Variants in FHDC1 observed in about 807,000 individuals in gnomAD.
FHDC1 encodes the protein FH2 domain-containing protein 1.
FHDC1 carries 25 observed loss-of-function variants against 52.6 expected under a neutral mutation model. The observed-to-expected ratio is 0.48, with a 90% CI of 0.35 to 0.66. FHDC1 has a LOEUF of 0.66. Among genes scored for constraint, FHDC1 ranks in the 30% least tolerant of loss-of-function variants. The pLI is 0.01. For missense variants in FHDC1, 1,459 were observed against 1,452.8 expected, an observed-to-expected ratio of 1.00 and a Z score of -0.07; for synonymous variants, 616 against 581.5, an observed-to-expected ratio of 1.06 and a Z score of -0.85.
At chr4:152,928,121 T>G in the FHDC1 span, 1 of 1,012,768 alleles carries the variant, frequency 9.9e-7, no homozygotes, top group Admixed American at 1.7e-5. Flanking sequence ...CAACTCTGAG[T>G]CCAGCGCAGA....
the FHDC1 span, among the ~76,000 whole-genome samples, chr4:152,914,277 C>T: frequency 0.016 from 2,495 of 152,206 alleles, 65 homozygotes; most frequent in African/African-American, 0.056. Context: ...ACAGATTTTG[C>T]GCATAAATGG....
the FHDC1 span, among the ~76,000 whole-genome samples, chr4:152,923,219 C>A: frequency 6.6e-6 from 1 of 152,090 alleles, no homozygotes; most frequent in Non-Finnish European, 1.5e-5. Flanking sequence ...CAATAACAGA[C>A]AAACAGAGAG....
At position 152,976,827 on chromosome 4, in the gene FHDC1, G is replaced by T. The variant is rs1229028086; in HGVS notation, c.*104G>T. The T allele has an allele frequency of 7.4e-7, 1 of 1,348,634 alleles. No individual in the cohort carries two copies. The highest frequency in any genetic ancestry group is 9.8e-7 in the Non-Finnish European group (1 of 1,018,966). 83.5% of individuals were successfully genotyped at this position (1,348,634 alleles called of 1,614,324 possible). A position where few individuals can be genotyped will look rare whatever the true frequency, so the allele number is the denominator to read the frequency against. ...GCATGTCTTTGTTACAGATAAAGCA[G>T]CCACTGGTGCCACTGCTAGTGACGC... On this transcript the variant is annotated 3_prime_UTR_variant, in exon 12 of 12. Coordinates refer to ENST00000511601, the MANE Select transcript of FHDC1 (RefSeq NM_001371116.1).
intron 9 of FHDC1, among the ~76,000 whole-genome samples, chr4:152,966,070 G>A (rs1740447429): frequency 6.6e-6 from 1 of 152,168 alleles, no homozygotes; most frequent in African/African-American, 2.4e-5. Context: ...TATAAGATAG[G>A]AACTTTTGAC....
intron 11 of FHDC1, 64 bp downstream of exon 11, chr4:152,972,605 A>G: frequency 3.9e-6 from 6 of 1,530,370 alleles, no homozygotes; most frequent in Non-Finnish European, 5.3e-6. Flanking sequence ...TTCTCGACCT[A>G]GTCATCTGCT....
At chr4:152,929,833 G>A in the FHDC1 span, among the ~76,000 whole-genome samples, 2 of 152,128 alleles carry the variant, frequency 1.3e-5, no homozygotes, top group Non-Finnish European at 2.9e-5. This position sits in a 1 kb window ranked among gnomAD's most constrained non-coding sequence, Gnocchi z 4.1. Flanking sequence ...AAATATGTTC[G>A]AATCTGTCAT....
intron 4 of FHDC1, among the ~76,000 whole-genome samples, chr4:152,959,329 A>T (rs1484782848): frequency 6.6e-6 from 1 of 152,194 alleles, no homozygotes; most frequent in African/African-American, 2.4e-5. Context: ...TTGTGATCTA[A>T]TGTTGTTTGA....
In FHDC1 at chr4:152,943,068, T is replaced by C; in HGVS notation, c.11T>C (p.Met4Thr). 2 of 1,612,276 alleles carry C rather than the reference T, an allele frequency of 1.2e-6. No individual in the cohort carries two copies. The highest frequency in any genetic ancestry group is 1.7e-6 in the Non-Finnish European group (2 of 1,178,956). Residue 4 changes from methionine (M) to threonine (T), a missense_variant, in exon 2 of 12, where the codon ATG becomes ACG. Physicochemically the swap from Met to Thr is moderately conservative, Grantham distance 81. Around this residue, in one of 3 missense-constraint regions of FHDC1, gnomAD observed 513 missense variants for 581.5 expected, o/e 0.88. Transcript: ENST00000511601. MHV[M>T]NCVSLVSDKE... ...GGAGGCAACAGTACTATGCATGTTA[T>C]GAATTGTGTCTCCTTGGTCAGTGAT...
intron 2 of FHDC1, among the ~76,000 whole-genome samples, chr4:152,948,390 T>TA (rs1182253686): frequency 6.6e-6 from 1 of 152,202 alleles, no homozygotes; most frequent in Non-Finnish European, 1.5e-5. Flanking sequence ...GCCAGATTCA[T>TA]AGAGACAGAA....
chr4:152,939,665 T>A (rs1219503302), intron 1 of FHDC1, among the ~76,000 whole-genome samples: 1 of 151,912 alleles, frequency 6.6e-6, no homozygotes, highest in African/African-American at 2.4e-5. Context: ...CTTGGGAGAG[T>A]CCATCACTCA....
At chr4:152,924,561 G>A in the FHDC1 span, among the ~76,000 whole-genome samples, 35 of 152,168 alleles carry the variant, frequency 2.3e-4, no homozygotes, top group East Asian at 6.0e-3. Flanking sequence ...ACATGCACAC[G>A]TATGTTTATT....
At chr4:152,943,688 GCTAGGCAGGGT>G in intron 2 of FHDC1, 133 bp downstream of exon 2, 1 of 1,075,392 alleles carries the variant, frequency 9.3e-7, no homozygotes, top group South Asian at 1.7e-5. Context: ...CCTTGGAAAT[GCTAGGCAGGGT>G]CTTTACGATG....
chr4:152,942,831 C>A, intron 1 of FHDC1, 97 bp from the exon 2 acceptor site: 1 of 459,400 alleles, frequency 2.2e-6, no homozygotes, highest in Non-Finnish European at 3.8e-6. Flanking sequence ...TTTTCATATC[C>A]AACTCATATG....
intron 5 of FHDC1, 32 bp from the exon 6 acceptor site, chr4:152,960,712 A>G: frequency 6.2e-7 from 1 of 1,611,910 alleles, no homozygotes; most frequent in Non-Finnish European, 8.5e-7. Flanking sequence ...TAATGACATC[A>G]AATTCTACAG....
At chr4:152,933,036 C>G (rs115042791), upstream of FHDC1, among the ~76,000 whole-genome samples, 836 of 152,330 alleles carry the variant, frequency 5.5e-3, 8 homozygotes, top group African/African-American at 0.018. Context: ...TCTGCAGGGC[C>G]TGGTACCAGT....
intron 2 of FHDC1, among the ~76,000 whole-genome samples, chr4:152,949,090 G>GTAATAATAATAA (rs368429472): frequency 4.3e-4 from 51 of 117,564 alleles, no homozygotes; most frequent in South Asian, 6.0e-4. Flanking sequence ...CCTTGTCTCA[G>GTAATAATAATAA]TAATAATAAT....
chr4:152,921,588 C>CCTT, the FHDC1 span, among the ~76,000 whole-genome samples: 1,937 of 113,332 alleles, frequency 0.017, 19 homozygotes, highest in Admixed American at 0.031. Flanking sequence ...CTTCCTTCCT[C>CCTT]CCTCCCTCCC....
At chr4:152,970,256 T>C (rs1408440384) in intron 10 of FHDC1, among the ~76,000 whole-genome samples, 2 of 152,248 alleles carry the variant, frequency 1.3e-5, no homozygotes, top group East Asian at 3.8e-4. Context: ...GAAACTTCAG[T>C]GTGTAGCAGG....
Position 152,943,064 on chromosome 4 carries a change from G to A in FHDC1, c.7G>A (p.Val3Ile). 6.2e-7 allele frequency: 1 copy of A among 1,611,606 alleles called. No homozygotes were observed. Among genetic ancestry groups the A allele is most frequent in the Non-Finnish European group, 8.5e-7 (1 of 1,178,642 alleles). The change falls in exon 2 of 12, where the codon GTT (valine) becomes ATT (isoleucine). Residue 3 changes from valine to isoleucine, a missense_variant. This residue lies in a region of FHDC1 where 513 missense variants were observed against 581.5 expected (regional missense o/e 0.88). Transcript: ENST00000511601. ...CATAGGAGGCAACAGTACTATGCAT[G>A]TTATGAATTGTGTCTCCTTGGTCAG... MH[V>I]MNCVSLVSDK...
Sources: gnomAD v4.1 joint callset for allele counts (sites outside exome capture counted in the v4.1 genomes callset) on GRCh38, gnomAD v4.1.1 for gene constraint, gnomAD v4.1.1 regional missense constraint, Gnocchi (gnomAD v3.1) non-coding constraint, MANE v1.5 for transcripts, NCBI Gene and HGNC (gene_info 2026-07-23, HGNC 2026-07-21) for gene names.